CRTC3: variants seen among roughly 807,000 people sequenced by gnomAD.
CRTC3 encodes the protein CREB-regulated transcription coactivator 3.
CRTC3 carries 26 observed loss-of-function variants against 74.5 expected under a neutral mutation model. That is an observed-to-expected ratio of 0.35 (90% CI 0.26 to 0.48). The LOEUF (loss-of-function observed/expected upper bound fraction) is 0.48. Among genes scored for constraint, CRTC3 ranks in the 20% least tolerant of loss-of-function variants. CRTC3 has a pLI of 0.99. For synonymous variants in CRTC3, 377 were observed against 325.8 expected (o/e 1.16, Z -1.69); for missense variants, 760 against 787.3 (o/e 0.97, Z 0.41).
In CRTC3 at chr15:90,642,892, G is replaced by A. The variant is rs1001910955; in HGVS notation, c.*752G>A. 4.3e-6 allele frequency: 1 copy of A among 232,910 alleles called. No individual in the cohort carries two copies. Among genetic ancestry groups the A allele is most frequent in the African/African-American group, 2.2e-5 (1 of 45,274 alleles). 14.4% of individuals were successfully genotyped at this position (232,910 alleles called of 1,614,324 possible). A position where few individuals can be genotyped will look rare whatever the true frequency, so the allele number is the denominator to read the frequency against. On this transcript the variant is annotated 3_prime_UTR_variant, in exon 15 of 15. Transcript: ENST00000268184. ...TGAAGAGAACTGTGCTCCTCCTCGG[G>A]GGCTGGGGAAGGAAGACAGGGACTG...
rs181095934 is a variant in CRTC3, at chr15:90,622,849, T to C, written c.750-2927T>C. On this transcript the variant is annotated intron_variant, in intron 9 of 14. Coordinates refer to ENST00000268184, the MANE Select transcript of CRTC3 (RefSeq NM_022769.5). ...CTGGGCGACAGAGCAAGACTCTGTC[T>C]CAAAAAAACACAAAATAAAATAAAA... Among the ~76,000 whole-genome samples, 950 of 152,294 alleles carry C rather than the reference T, an allele frequency of 6.2e-3. 3 individuals are homozygous for C. Among genetic ancestry groups the C allele is most frequent in the Non-Finnish European group, 0.01 (681 of 68,024 alleles).
intron 2 of CRTC3, among the ~76,000 whole-genome samples, chr15:90,554,940 A>G (rs1161853941): frequency 6.6e-6 from 1 of 152,122 alleles, no homozygotes; most frequent in African/African-American, 2.4e-5. Context: ...CACCCTGACA[A>G]TATTGCTGTT....
intron 6 of CRTC3, among the ~76,000 whole-genome samples, chr15:90,612,111 A>G (rs1596124451): frequency 8.3e-6 from 1 of 119,910 alleles, no homozygotes; most frequent in Non-Finnish European, 1.7e-5. Context: ...CCTCCTCCTC[A>G]CACTGGGCAT....
intron 2 of CRTC3, among the ~76,000 whole-genome samples, chr15:90,590,827 A>G (rs1967782447): frequency 6.6e-6 from 1 of 152,252 alleles, no homozygotes; most frequent in African/African-American, 2.4e-5. Context: ...AGTGAAGAAG[A>G]GAAGAAAATA....
rs1032522083 is a variant in CRTC3 at position 90,642,489 on chromosome 15, T to C, written c.*349T>C. On this transcript the variant is annotated 3_prime_UTR_variant, in exon 15 of 15. Coordinates refer to ENST00000268184, the MANE Select transcript of CRTC3 (RefSeq NM_022769.5). ...TGTGTCACTGGAGGCCTCCGTAGCA[T>C]TGTGTAGTGTGCTCAGAACCACTGA... is the stretch of plus-strand genomic sequence containing the variant. 4.9e-6 allele frequency: 2 copies of C among 412,020 alleles called. No individual in the cohort carries two copies. The highest frequency in any genetic ancestry group is 2.0e-5 in the African/African-American group (1 of 50,522). 25.5% of individuals were successfully genotyped at this position (412,020 alleles called of 1,614,324 possible).
At chr15:90,608,565 G>A (rs1174421775) in intron 6 of CRTC3, among the ~76,000 whole-genome samples, 4 of 152,136 alleles carry the variant, frequency 2.6e-5, no homozygotes, top group African/African-American at 4.8e-5. Flanking sequence ...CAGAGTTATC[G>A]TGTCCTTCTA....
At chr15:90,604,860 T>A (rs527675077) in intron 5 of CRTC3, among the ~76,000 whole-genome samples, 54 of 152,190 alleles carry the variant, frequency 3.5e-4, no homozygotes, top group African/African-American at 1.1e-3. Flanking sequence ...ACCTCAGCCA[T>A]TTTTTTTCAA....
intron 1 of CRTC3, among the ~76,000 whole-genome samples, chr15:90,538,390 A>G (rs1038208695): frequency 1.3e-5 from 2 of 152,212 alleles, no homozygotes. Flanking sequence ...TTAATAGGTT[A>G]TAACTGTCTC....
chr15:90,641,456 G>T (rs1375485750), intron 14 of CRTC3, among the ~76,000 whole-genome samples: 1 of 152,120 alleles, frequency 6.6e-6, no homozygotes, highest in Non-Finnish European at 1.5e-5. Context: ...CCAGCACTTT[G>T]GGAGGCCGAG....
intron 2 of CRTC3, among the ~76,000 whole-genome samples, chr15:90,562,179 G>A (rs1967025407): frequency 6.6e-6 from 1 of 152,160 alleles, no homozygotes; most frequent in Non-Finnish European, 1.5e-5. Context: ...TTTTATGCTA[G>A]TTTTCTTGAG....
chr15:90,619,300 T>C (rs1968576262), intron 8 of CRTC3, among the ~76,000 whole-genome samples: 2 of 151,966 alleles, frequency 1.3e-5, no homozygotes, highest in African/African-American at 4.8e-5. Flanking sequence ...CTACTAAAAA[T>C]ACAAAAATTA....
At chr15:90,554,823 G>A (rs1274980510) in intron 2 of CRTC3, among the ~76,000 whole-genome samples, 1 of 152,236 alleles carries the variant, frequency 6.6e-6, no homozygotes, top group African/African-American at 2.4e-5. Context: ...CCACACCAGA[G>A]TGTTGTACTC....
chr15:90,568,204 G>A (rs1469296302), intron 2 of CRTC3, among the ~76,000 whole-genome samples: 2 of 152,210 alleles, frequency 1.3e-5, no homozygotes, highest in Non-Finnish European at 2.9e-5. Flanking sequence ...GAATGGATGA[G>A]GAATTGCTTC....
At chr15:90,634,030 C>T (rs1969141741) in intron 11 of CRTC3, among the ~76,000 whole-genome samples, 1 of 150,370 alleles carries the variant, frequency 6.7e-6, no homozygotes, top group Non-Finnish European at 1.5e-5. Context: ...TCTTTATTTT[C>T]TATAATAGAA....
At chr15:90,638,320 C>T in intron 11 of CRTC3, 126 bp from the exon 12 acceptor site, 1 of 732,518 alleles carries the variant, frequency 1.4e-6, no homozygotes, top group South Asian at 1.7e-5. Flanking sequence ...CTTCTCACAG[C>T]ATTGCACAGA....
chr15:90,627,520 T>TGCTTCAAGCTGAAGATCTTATG (rs1484427513), intron 10 of CRTC3, among the ~76,000 whole-genome samples: 2 of 152,214 alleles, frequency 1.3e-5, no homozygotes, highest in Non-Finnish European at 2.9e-5. Flanking sequence ...TTTGACACTT[T>TGCTTCAAGCTGAAGATCTTATG]GCTTCAAGCT....
chr15:90,536,848 G>A lies in CRTC3; in HGVS notation c.133-3191G>A, dbSNP rs192453314. Reference sequence around the variant, plus strand: ...AGGACTTGGCAAACACGATCTAAGGGGGTGGCCTCTTCTCAGCTTCATCCA... The same window carrying A: ...AGGACTTGGCAAACACGATCTAAGGAGGTGGCCTCTTCTCAGCTTCATCCA... On this transcript the variant is annotated intron_variant, in intron 1 of 14. Transcript: ENST00000268184. Among the ~76,000 whole-genome samples, 22 of 152,300 alleles carry A rather than the reference G, an allele frequency of 1.4e-4. No homozygotes were observed. The East Asian group carries it at 3.9e-3, about 27-fold the overall frequency.
chr15:90,638,876 C>G, intron 13 of CRTC3, 61 bp downstream of exon 13: 1 of 1,396,232 alleles, frequency 7.2e-7, no homozygotes, highest in Non-Finnish European at 1.0e-6. Context: ...TTAGGTTGTT[C>G]ATTCTGTAGA....
chr15:90,610,085 A>C (rs1968322552), intron 6 of CRTC3, among the ~76,000 whole-genome samples: 1 of 152,228 alleles, frequency 6.6e-6, no homozygotes, highest in African/African-American at 2.4e-5. Context: ...CCAAGGATGG[A>C]AATTATTTCT....
Sources: allele counts gnomAD v4.1 joint callset (sites outside exome capture counted in the v4.1 genomes callset), GRCh38; gene constraint gnomAD v4.1.1; transcripts MANE v1.5; gene names NCBI Gene and HGNC (gene_info 2026-07-23, HGNC 2026-07-21).